The following COL27A1 variants were observed in gnomAD, a reference collection of about 807,000 sequenced individuals.
COL27A1 encodes collagen alpha-1(XXVII) chain.
COL27A1 carries 106 observed loss-of-function variants against 251.3 expected under a neutral mutation model. The observed-to-expected ratio is 0.42, with a 90% CI of 0.36 to 0.50. COL27A1 has a LOEUF of 0.50. COL27A1 is among the 20% of genes least tolerant of loss of function. The probability of loss-of-function intolerance (pLI) is 0.00; values close to 1 mark genes in which losing one functional copy is unlikely to be tolerated. For missense variants in COL27A1, 2,325 were observed against 2,522.8 expected (o/e 0.92, Z 1.68); for synonymous variants, 1,000 against 986.3 (o/e 1.01, Z -0.26).
intron 2 of COL27A1, among the ~76,000 whole-genome samples, chr9:114,163,472 C>T (rs897541043): frequency 9.2e-5 from 14 of 152,258 alleles, no homozygotes; most frequent in African/African-American, 2.9e-4. Flanking sequence ...TTCCTCTTCC[C>T]GTGAGATCCT....
At chr9:114,187,204 C>T (rs1426329016) in intron 5 of COL27A1, among the ~76,000 whole-genome samples, 1 of 152,146 alleles carries the variant, frequency 6.6e-6, no homozygotes, top group African/African-American at 2.4e-5. Context: ...GTGCTGGGCA[C>T]TTGAGATCAG....
chr9:114,306,270 A>AT (rs1829038986), intron 57 of COL27A1: 1 of 431,310 alleles, frequency 2.3e-6, no homozygotes, highest in African/African-American at 2.0e-5. Context: ...TGCCTGTCCC[A>AT]TATCAGAGAA....
intron 44 of COL27A1, 42 bp from the exon 45 acceptor site, chr9:114,289,200 G>T: frequency 6.4e-7 from 1 of 1,552,324 alleles, no homozygotes; most frequent in Non-Finnish European, 8.7e-7. Context: ...CCCCGGGAGA[G>T]AATCCTGGGG....
chr9:114,300,042 G>A (rs12237679), intron 49 of COL27A1, 28 bp from the exon 50 acceptor site: 62,408 of 1,613,140 alleles, frequency 0.039, 2,535 homozygotes, highest in East Asian at 0.22. Context: ...GAGCTCACTC[G>A]CTCCATCACT....
intron 19 of COL27A1, 93 bp downstream of exon 19, chr9:114,237,808 T>C: frequency 9.9e-7 from 1 of 1,005,416 alleles, no homozygotes; most frequent in Non-Finnish European, 1.6e-6. Context: ...AAAGACTTGC[T>C]TTAGGTCACA....
At chr9:114,289,143 C>CCA in intron 44 of COL27A1, 99 bp from the exon 45 acceptor site, 3 of 1,290,768 alleles carry the variant, frequency 2.3e-6, no homozygotes, top group Admixed American at 2.1e-5. Flanking sequence ...CCTGCACCCC[C>CCA]AAACCCCTCC....
At chr9:114,188,486 C>T (rs1828534314) in intron 5 of COL27A1, among the ~76,000 whole-genome samples, 1 of 152,128 alleles carries the variant, frequency 6.6e-6, no homozygotes, top group Non-Finnish European at 1.5e-5. Flanking sequence ...TTCTGTAAAA[C>T]AAGGATGATC....
chr9:114,303,767 C>A (rs1056028206), intron 56 of COL27A1, among the ~76,000 whole-genome samples: 16 of 152,188 alleles, frequency 1.1e-4, no homozygotes, highest in Non-Finnish European at 4.4e-5. Context: ...CATGGCAAGA[C>A]CACGGCTATG....
intron 35 of COL27A1, among the ~76,000 whole-genome samples, chr9:114,269,865 C>T (rs920988686): frequency 6.6e-6 from 1 of 152,198 alleles, no homozygotes; most frequent in African/African-American, 2.4e-5. Flanking sequence ...TGCCATCCTG[C>T]ACCTGACGGC....
At chr9:114,305,842 C>G (rs893390061) in intron 57 of COL27A1, among the ~76,000 whole-genome samples, 1 of 152,216 alleles carries the variant, frequency 6.6e-6, no homozygotes, top group African/African-American at 2.4e-5. Context: ...GTCTCTGACA[C>G]ACGTTCACAC....
At chr9:114,301,781 G>A in intron 55 of COL27A1, 64 bp downstream of exon 55, 1 of 1,483,954 alleles carries the variant, frequency 6.7e-7, no homozygotes, top group Non-Finnish European at 9.3e-7. Flanking sequence ...GAGATTCAAG[G>A]CTTCACCGGC....
intron 38 of COL27A1, 28 bp downstream of exon 38, chr9:114,282,358 C>A: frequency 6.2e-7 from 1 of 1,613,498 alleles, no homozygotes; most frequent in Non-Finnish European, 8.5e-7. Flanking sequence ...ACTTGATAGG[C>A]CTGCGTCCCT....
chr9:114,218,796 G>A (rs534758811), intron 12 of COL27A1, among the ~76,000 whole-genome samples: 1 of 152,192 alleles, frequency 6.6e-6, no homozygotes, highest in East Asian at 1.9e-4. Flanking sequence ...ACTTTGGTTT[G>A]GGTTTTGTTT....
chr9:114,246,666 G>A (rs1435467704), intron 24 of COL27A1, among the ~76,000 whole-genome samples: 3 of 152,170 alleles, frequency 2.0e-5, no homozygotes, highest in African/African-American at 7.2e-5. Flanking sequence ...GAATTTGGCC[G>A]CACCACGAAA....
chr9:114,282,689 T>C, intron 39 of COL27A1, 125 bp downstream of exon 39: 1 of 627,416 alleles, frequency 1.6e-6, no homozygotes, highest in South Asian at 2.3e-5. Flanking sequence ...GAACACCTGG[T>C]GCTCATTGCC....
chr9:114,269,901 T>A (rs781145043), intron 35 of COL27A1, among the ~76,000 whole-genome samples: 8 of 152,202 alleles, frequency 5.3e-5, no homozygotes. Context: ...CAGCTCAGAC[T>A]CTGAACAGCG....
intron 5 of COL27A1, among the ~76,000 whole-genome samples, chr9:114,185,851 T>G (rs1408448830): frequency 6.6e-6 from 1 of 152,224 alleles, no homozygotes; most frequent in Non-Finnish European, 1.5e-5. Flanking sequence ...ATCCCATCAG[T>G]GCATCTCCAC....
rs148082221 is a variant in COL27A1 at position 114,196,329 on chromosome 9, G to A, written c.2124+317G>A. Among the ~76,000 whole-genome samples, 828 of 152,312 alleles carry A rather than the reference G, an allele frequency of 5.4e-3. 6 individuals carry two copies. The highest frequency in any genetic ancestry group is 0.019 in the African/African-American group (787 of 41,564). Reference sequence around the variant, plus strand: ...ACCTTCAAGAAAGCCTGTGGTGATGGAGTAACCTGTGCTGGCCCTGGCTCC... The same window carrying A: ...ACCTTCAAGAAAGCCTGTGGTGATGAAGTAACCTGTGCTGGCCCTGGCTCC... On this transcript the variant is annotated intron_variant, in intron 7 of 60. Transcript: ENST00000356083.
At chr9:114,194,215 G>A (rs1295436644) in intron 5 of COL27A1, among the ~76,000 whole-genome samples, 189 bp from the exon 6 acceptor site, 1 of 152,184 alleles carries the variant, frequency 6.6e-6, no homozygotes, top group Non-Finnish European at 1.5e-5. Flanking sequence ...CATGCAGTCA[G>A]GGGAAGCTGT....
Sources: gnomAD v4.1 joint callset for allele counts (sites outside exome capture counted in the v4.1 genomes callset) on GRCh38, gnomAD v4.1.1 for gene constraint, MANE v1.5 for transcripts, NCBI Gene and HGNC (gene_info 2026-07-23, HGNC 2026-07-21) for gene names.